Variants in ARHGEF10L observed in about 807,000 individuals in gnomAD.
ARHGEF10L encodes the protein rho guanine nucleotide exchange factor 10-like protein.
ARHGEF10L carries 69 observed loss-of-function variants against 141.2 expected under a neutral mutation model. The observed-to-expected ratio is 0.49, with a 90% confidence interval of 0.40 to 0.60. The LOEUF (loss-of-function observed/expected upper bound fraction) is 0.60, where lower values mean the gene tolerates loss of function less well. Ranked by LOEUF, ARHGEF10L falls within the 20% of genes least tolerant of loss-of-function variation. The pLI, the probability that ARHGEF10L is intolerant of heterozygous loss-of-function variation, is 0.00. For missense variants in ARHGEF10L, 1,482 were observed against 1,734.3 expected, an observed-to-expected ratio of 0.85 and a Z score of 2.58; for synonymous variants, 711 against 718.5, an observed-to-expected ratio of 0.99 and a Z score of 0.17.
At chr1:17,631,474 C>T (rs546091618) in intron 15 of ARHGEF10L, among the ~76,000 whole-genome samples, 13 of 152,270 alleles carry the variant, frequency 8.5e-5, no homozygotes, top group Non-Finnish European at 1.0e-4. Flanking sequence ...ATGAGGCCAC[C>T]TAAGAGGCGA....
intron 1 of ARHGEF10L, among the ~76,000 whole-genome samples, chr1:17,550,612 TAG>T (rs2077075893): frequency 7.1e-6 from 1 of 141,794 alleles, no homozygotes; most frequent in African/African-American, 2.7e-5. Context: ...CATTGCAGTA[TAG>T]TGTGGGCAAC....
At chr1:17,599,361 A>C (rs185676967) in intron 4 of ARHGEF10L, among the ~76,000 whole-genome samples, 36 of 152,020 alleles carry the variant, frequency 2.4e-4, no homozygotes, top group African/African-American at 7.5e-4. Context: ...GAAAAAAAAA[A>C]CGTGCAATTA....
At chr1:17,665,734 G>T (rs1433388149) in intron 26 of ARHGEF10L, among the ~76,000 whole-genome samples, 1 of 152,156 alleles carries the variant, frequency 6.6e-6, no homozygotes, top group African/African-American at 2.4e-5. Flanking sequence ...AGAACCAATG[G>T]AACGTATGTG....
At chr1:17,676,817 T>C (rs1428503210) in intron 26 of ARHGEF10L, among the ~76,000 whole-genome samples, 1 of 151,850 alleles carries the variant, frequency 6.6e-6, no homozygotes, top group Non-Finnish European at 1.5e-5. Flanking sequence ...CCCAGGCCTT[T>C]GCACCCACTG....
In ARHGEF10L at chr1:17,551,007, G is replaced by A. The variant is rs1411490702; in HGVS notation, c.-44+11057G>A. ...ATTAAGCGTCTCACCTTATCGAAGC[G>A]GAAAGAGGCCCGGAGGTGACCCAGT... On this transcript the variant is annotated intron_variant, in intron 1 of 28. Transcript: ENST00000361221. 8.5e-5 allele frequency among the ~76,000 whole-genome samples: 13 copies of A among 152,144 alleles called. No homozygotes were observed. In the South Asian group the frequency reaches 1.2e-3, roughly 15 times the overall value.
Position 17,616,213 on chromosome 1 carries a change from G to A in ARHGEF10L, c.835+11G>A, listed in dbSNP as rs1570941564. 1 of 1,600,982 alleles carries A rather than the reference G, an allele frequency of 6.2e-7. No individual in the cohort carries two copies. Among genetic ancestry groups the A allele is most frequent in the African/African-American group, 1.3e-5 (1 of 74,814 alleles). On this transcript the variant is annotated intron_variant, in intron 9 of 28. Transcript: ENST00000361221. Reference sequence around the variant, plus strand: ...GGAAGGACGTCCTCGGTGAGGCGCTGCCCGAGCGGGAGGGTCTGGTGCCCA... The same window carrying A: ...GGAAGGACGTCCTCGGTGAGGCGCTACCCGAGCGGGAGGGTCTGGTGCCCA...
At chr1:17,682,533 C>T (rs546375790) in intron 26 of ARHGEF10L, among the ~76,000 whole-genome samples, 2 of 152,306 alleles carry the variant, frequency 1.3e-5, no homozygotes, top group South Asian at 2.1e-4. Context: ...CTTTTCTATG[C>T]GGATGTGACT....
intron 4 of ARHGEF10L, among the ~76,000 whole-genome samples, chr1:17,589,762 G>A (rs1284819999): frequency 6.6e-6 from 1 of 152,174 alleles, no homozygotes; most frequent in Non-Finnish European, 1.5e-5. Flanking sequence ...TCTTCCAAGG[G>A]TTTATATCTC....
At position 17,573,294 on chromosome 1, in the gene ARHGEF10L, T is replaced by A. The variant is rs181961807; in HGVS notation, c.-43-7259T>A. 3.1e-4 allele frequency among the ~76,000 whole-genome samples: 47 copies of A among 152,224 alleles called. No individual in the cohort carries two copies. Among genetic ancestry groups the A allele is most frequent in the Admixed American group, 1.8e-3 (27 of 15,304 alleles). On this transcript the variant is annotated intron_variant, in intron 1 of 28. Transcript: ENST00000361221. The surrounding 1 kb of genome is among the most constrained non-coding windows in gnomAD (Gnocchi z 4.8). The stretch of plus-strand genomic sequence containing the variant: ...ACGCCCAGCAGCTGGGAGGCGGGCA[T>A]CCCTGTTGTAGGTGGGGAAGCTGAG...
intron 26 of ARHGEF10L, among the ~76,000 whole-genome samples, chr1:17,664,925 G>A (rs924312495): frequency 2.2e-4 from 34 of 152,162 alleles, no homozygotes; most frequent in African/African-American, 7.7e-4. Context: ...CACAGAGCCC[G>A]GGCAATGCTG....
intron 4 of ARHGEF10L, among the ~76,000 whole-genome samples, chr1:17,594,573 C>G (rs1344042481): frequency 6.6e-6 from 1 of 152,160 alleles, no homozygotes; most frequent in East Asian, 1.9e-4. Flanking sequence ...TGCTCTGCCC[C>G]CTGGGTTCAA....
intron 22 of ARHGEF10L, among the ~76,000 whole-genome samples, chr1:17,650,755 A>T (rs963076474): frequency 4.0e-5 from 6 of 148,340 alleles, no homozygotes; most frequent in African/African-American, 1.5e-4. Context: ...AAAAAAAAAA[A>T]TGGACCTGGA....
At chr1:17,592,468 G>A (rs1398029502) in intron 4 of ARHGEF10L, among the ~76,000 whole-genome samples, 2 of 152,096 alleles carry the variant, frequency 1.3e-5, no homozygotes, top group African/African-American at 2.4e-5. Flanking sequence ...GGGAAGTGAT[G>A]GGGCAGCCGT....
In ARHGEF10L at chr1:17,639,556, A is replaced by G. The variant is rs1206410628; in HGVS notation, c.2172-646A>G. Among the ~76,000 whole-genome samples, 1 of 151,928 alleles carries G rather than the reference A, an allele frequency of 6.6e-6. No individual in the cohort carries two copies. The highest frequency in any genetic ancestry group is 1.5e-5 in the Non-Finnish European group (1 of 67,990). ...GTGGCCTGTCCGTCTCCCTTCCTCC[A>G]TCTCCCTTCTCTCTGCCTCTCATTC... is the stretch of plus-strand genomic sequence containing the variant. On this transcript the variant is annotated intron_variant, in intron 20 of 28. Transcript: ENST00000361221. This position sits in a 1 kb window ranked among gnomAD's most constrained non-coding sequence, Gnocchi z 4.3.
chr1:17,692,344 G>T (rs780378180), intron 27 of ARHGEF10L, among the ~76,000 whole-genome samples: 1 of 151,942 alleles, frequency 6.6e-6, no homozygotes, highest in African/African-American at 2.4e-5. Context: ...GAATCCCACC[G>T]CCTGCTTGAT....
At chr1:17,517,471 G>A in the ARHGEF10L span, among the ~76,000 whole-genome samples, 13 of 149,830 alleles carry the variant, frequency 8.7e-5, no homozygotes, top group Admixed American at 2.7e-4. Flanking sequence ...CTACAGGTGC[G>A]TGCCACCATG....
Position 17,615,947 on chromosome 1 carries a change from C to T in ARHGEF10L, c.727-147C>T, listed in dbSNP as rs1426524615. ...GAACGCACCTTCTCACCCCCACTGTCGTCCTTGGCCTTTGCTCACGGACCT... is the reference window on the plus strand; with the variant it reads ...GAACGCACCTTCTCACCCCCACTGTTGTCCTTGGCCTTTGCTCACGGACCT... On this transcript the variant is annotated intron_variant, in intron 8 of 28. Transcript: ENST00000361221. This position sits in a 1 kb window ranked among gnomAD's most constrained non-coding sequence, Gnocchi z 4.7. The T allele has an allele frequency of 2.1e-5, 14 of 668,062 alleles. No homozygotes were observed. The highest frequency in any genetic ancestry group is 3.0e-5 in the Non-Finnish European group (11 of 368,158). 41.4% of individuals were successfully genotyped at this position (668,062 alleles called of 1,614,324 possible).
rs1288065617 is a variant in ARHGEF10L at position 17,607,213 on chromosome 1, G to T, written c.434-589G>T. 2.6e-5 allele frequency among the ~76,000 whole-genome samples: 4 copies of T among 152,134 alleles called. No individual in the cohort carries two copies. Among genetic ancestry groups the T allele is most frequent in the Non-Finnish European group, 4.4e-5 (3 of 68,022 alleles). ...GGCTCGGCTGGGTGTGGTGGCTCAC[G>T]CCTGTAACCCTGGCACTTTGGGAGG... On this transcript the variant is annotated intron_variant, in intron 6 of 28. Transcript: ENST00000361221. The surrounding 1 kb of genome is among the most constrained non-coding windows in gnomAD (Gnocchi z 4.5).
chr1:17,655,946 G>A lies in ARHGEF10L; in HGVS notation c.2549G>A (p.Arg850His), dbSNP rs550671138. The A allele has an allele frequency of 8.3e-6, 13 of 1,560,294 alleles. No homozygotes were observed. The highest frequency in any genetic ancestry group is 1.2e-5 in the South Asian group (1 of 84,754). ...TTTTCCTTGAACCGGCCCTCGCCCC[G>A]CACCGTCAAGTCCTTCCCACTGGCA... is the stretch of plus-strand genomic sequence containing the variant. ...EIFSLNRPSP[R>H]TVKSFPLAAP... The change falls in exon 24 of 29, where the codon CGC becomes CAC. Residue 850 changes from arginine (R) to histidine (H), a missense_variant. This residue lies in a region of ARHGEF10L where 858 missense variants were observed against 966.3 expected (regional missense o/e 0.89). Coordinates refer to ENST00000361221, the MANE Select transcript of ARHGEF10L (RefSeq NM_018125.4).
Sources: gnomAD v4.1 joint callset for allele counts (sites outside exome capture counted in the v4.1 genomes callset) on GRCh38, gnomAD v4.1.1 for gene constraint, gnomAD v4.1.1 regional missense constraint, Gnocchi (gnomAD v3.1) non-coding constraint, MANE v1.5 for transcripts, NCBI Gene and HGNC (gene_info 2026-07-23, HGNC 2026-07-21) for gene names.